Variants in ISLR2 observed in about 807,000 individuals in gnomAD.
ISLR2 encodes the protein immunoglobulin superfamily containing leucine rich repeat 2.
A neutral mutation model predicts 25.5 loss-of-function variants in ISLR2; 16 were observed. That is an observed-to-expected ratio of 0.63 (90% CI 0.43 to 0.95). The LOEUF (loss-of-function observed/expected upper bound fraction) is 0.95, where lower values mean the gene tolerates loss of function less well. Ranked by LOEUF, ISLR2 falls within the 40% of genes least tolerant of loss-of-function variation. The probability of loss-of-function intolerance (pLI) is 0.00; values close to 1 mark genes in which losing one functional copy is unlikely to be tolerated. For synonymous variants in ISLR2, 508 were observed against 486.6 expected (o/e 1.04, Z -0.58); for missense variants, 883 against 1,030.7 (o/e 0.86, Z 1.96).
intron 2 of ISLR2, among the ~76,000 whole-genome samples, chr15:74,116,316 C>A (rs1048473341): frequency 6.6e-6 from 1 of 151,430 alleles, no homozygotes; most frequent in Non-Finnish European, 1.5e-5. Context: ...ATCATGCCAG[C>A]ACTTTGGGAG....
In ISLR2 at chr15:74,134,855, CT is replaced by C; in HGVS notation, c.2102del (p.Leu701ArgfsTer91). On this transcript the variant is annotated frameshift_variant, in exon 3 of 3. Transcript: ENST00000453268. LOFTEE classifies it high-confidence loss of function. ...AGAGGAGAGCCTGGCGGCCTGCTCA[CT>C]GGTGGAGTCCCAGTCCAAGGCCAAC... is the stretch of plus-strand genomic sequence containing the variant. ...QREESLAACSLVESQSKANQE... is the reference protein window; with the variant it reads ...QREESLAACSXVESQSKANQE... 6.2e-7 allele frequency: 1 copy of C among 1,614,204 alleles called. No homozygotes were observed.
chr15:74,132,734 C>A lies in ISLR2; in HGVS notation c.-8-13C>A. On this transcript the variant is annotated splice_polypyrimidine_tract_variant and intron_variant, in intron 2 of 2. Coordinates refer to ENST00000453268, the MANE Select transcript of ISLR2 (RefSeq NM_020851.3). This position sits in a 1 kb window ranked among gnomAD's most constrained non-coding sequence, Gnocchi z 4.3. ...GTCACCTTCTTTCTTCTTCACCTGG[C>A]TTCCATCTGCAGGAGCCGCGATGTT... 1 of 1,602,658 alleles carries A rather than the reference C, an allele frequency of 6.2e-7. No individual in the cohort carries two copies. The highest frequency in any genetic ancestry group is 8.5e-7 in the Non-Finnish European group (1 of 1,171,502).
Position 74,134,784 on chromosome 15 carries a change from T to G in ISLR2, c.2030T>G (p.Leu677Arg). 6.2e-7 allele frequency: 1 copy of G among 1,613,832 alleles called. No individual in the cohort carries two copies. Among genetic ancestry groups the G allele is most frequent in the Non-Finnish European group, 8.5e-7 (1 of 1,179,936 alleles). ...EEPEDVQGEG[L>R]DEDAEQGDPS... ...CCAGAGGACGTGCAGGGGGAGGGCCTTGATGAAGACGCGGAGCAGGGAGAC... is the reference window on the plus strand; with the variant it reads ...CCAGAGGACGTGCAGGGGGAGGGCCGTGATGAAGACGCGGAGCAGGGAGAC... The change falls in exon 3 of 3, where the codon CTT becomes CGT. Residue 677 changes from leucine to arginine, a missense_variant. Leu to Arg is a moderately radical substitution (Grantham distance 102). Around this residue, in one of 2 missense-constraint regions of ISLR2, gnomAD observed 612 missense variants for 642.8 expected, o/e 0.95. Transcript: ENST00000453268.
upstream of ISLR2, among the ~76,000 whole-genome samples, chr15:74,123,815 G>T (rs2072271335): frequency 6.6e-6 from 1 of 152,144 alleles, no homozygotes; most frequent in Non-Finnish European, 1.5e-5. Context: ...TCCCAGCACA[G>T]GCATTTCCAA....
rs1281493918 is a variant in ISLR2, at chr15:74,132,932, G to A, written c.178G>A (p.Ala60Thr). The A allele has an allele frequency of 1.2e-6, 2 of 1,613,950 alleles. No individual in the cohort carries two copies. Among genetic ancestry groups the A allele is most frequent in the Non-Finnish European group, 1.7e-6 (2 of 1,179,950 alleles). ...PANVTTLSLS[A>T]NKITVLRRGA... Reference sequence around the variant, plus strand: ...CAACGTGACGACGCTTAGTCTGTCCGCGAACAAGATCACTGTGCTGCGGCG... The same window carrying A: ...CAACGTGACGACGCTTAGTCTGTCCACGAACAAGATCACTGTGCTGCGGCG... The change falls in exon 3 of 3, where the codon GCG becomes ACG. Residue 60 changes from alanine (A) to threonine (T), a missense_variant. By Grantham distance (58) the Ala-to-Thr change is moderately conservative. Coordinates refer to ENST00000453268, the MANE Select transcript of ISLR2 (RefSeq NM_020851.3). This position sits in a 1 kb window ranked among gnomAD's most constrained non-coding sequence, Gnocchi z 4.3.
chr15:74,121,955 G>A (rs980854224), intron 2 of ISLR2, among the ~76,000 whole-genome samples: 1 of 152,184 alleles, frequency 6.6e-6, no homozygotes, highest in African/African-American at 2.4e-5. Context: ...CTGTTCTAGT[G>A]CCCGTGGGCA....
rs2072444293 is a variant in ISLR2, at chr15:74,132,492, G to C, written c.-8-255G>C. Among the ~76,000 whole-genome samples, 1 of 152,168 alleles carries C rather than the reference G, an allele frequency of 6.6e-6. No homozygotes were observed. Among genetic ancestry groups the C allele is most frequent in the Non-Finnish European group, 1.5e-5 (1 of 68,028 alleles). On this transcript the variant is annotated intron_variant, in intron 2 of 2. Transcript: ENST00000453268. This position sits in a 1 kb window ranked among gnomAD's most constrained non-coding sequence, Gnocchi z 4.3. ...ACGGAGGGGCCAGCTCCAGCGTGAAGGAAGGAGTAGGAAGAGAAAAAAGGG... is the reference window on the plus strand; with the variant it reads ...ACGGAGGGGCCAGCTCCAGCGTGAACGAAGGAGTAGGAAGAGAAAAAAGGG...
At chr15:74,109,953 C>A (rs1312662481) in intron 2 of ISLR2, among the ~76,000 whole-genome samples, 2 of 152,108 alleles carry the variant, frequency 1.3e-5, no homozygotes, top group East Asian at 3.8e-4. Flanking sequence ...TGCCACCACG[C>A]CCGGATGTTT....
chr15:74,133,069 T>G lies in ISLR2; in HGVS notation c.315T>G (p.Asp105Glu). ...TGCTGAGTCAGCTCAAGAACCTCGATCTGAGCCACAACTTCATATCCAGCT... is the reference window on the plus strand; with the variant it reads ...TGCTGAGTCAGCTCAAGAACCTCGAGCTGAGCCACAACTTCATATCCAGCT... ...LAVLSQLKNL[D>E]LSHNFISSFP... Residue 105 changes from aspartate to glutamate, a missense_variant, in exon 3 of 3, where the codon GAT (aspartate) becomes GAG (glutamate). Physicochemically the swap from Asp to Glu is conservative, Grantham distance 45 (BLOSUM62 2). This residue lies in a region of ISLR2 where 271 missense variants were observed against 387.9 expected (regional missense o/e 0.70). Coordinates refer to ENST00000453268, the MANE Select transcript of ISLR2 (RefSeq NM_020851.3). 1 of 1,613,004 alleles carries G rather than the reference T, an allele frequency of 6.2e-7. No homozygotes were observed. Among genetic ancestry groups the G allele is most frequent in the Non-Finnish European group, 8.5e-7 (1 of 1,179,986 alleles).
downstream of ISLR2, among the ~76,000 whole-genome samples, chr15:74,140,822 A>C (rs760039575): frequency 4.6e-5 from 7 of 152,232 alleles, no homozygotes; most frequent in Non-Finnish European, 8.8e-5. Flanking sequence ...ACCCACACCT[A>C]TCTGTTCAAT....
downstream of ISLR2, among the ~76,000 whole-genome samples, chr15:74,138,721 A>C (rs1318255281): frequency 3.3e-5 from 5 of 152,238 alleles, no homozygotes; most frequent in Non-Finnish European, 5.9e-5. Flanking sequence ...TGAGGGCCAC[A>C]GCCTGAGCCC....
intron 2 of ISLR2, among the ~76,000 whole-genome samples, chr15:74,113,260 C>T (rs890548401): frequency 7.2e-5 from 11 of 152,198 alleles, no homozygotes; most frequent in African/African-American, 1.4e-4. Context: ...AGGTCACCGA[C>T]GGGTACAGTC....
chr15:74,134,161 T>C lies in ISLR2; in HGVS notation c.1407T>C (p.Ser469=). The C allele has an allele frequency of 6.2e-7, 1 of 1,613,204 alleles. No individual in the cohort carries two copies. The highest frequency in any genetic ancestry group is 1.7e-5 in the Admixed American group (1 of 59,934). Residue 469 remains serine (S), a synonymous_variant, in exon 3 of 3, where the codon TCT becomes TCC. Coordinates refer to ENST00000453268, the MANE Select transcript of ISLR2 (RefSeq NM_020851.3). Reference sequence around the variant, plus strand: ...ACGGGGACCCCTCTCGGTACGTTTCTAACCACGCGTTCAACCAGAGCGCAG... The same window carrying C: ...ACGGGGACCCCTCTCGGTACGTTTCCAACCACGCGTTCAACCAGAGCGCAG... ...CGNGDPSRYV[S]NHAFNQSAEL...
At chr15:74,120,377 C>T (rs2072243147) in intron 2 of ISLR2, among the ~76,000 whole-genome samples, 2 of 151,990 alleles carry the variant, frequency 1.3e-5, no homozygotes, top group Admixed American at 6.6e-5. Flanking sequence ...AAAAATTAGC[C>T]GGGTGTGATG....
chr15:74,104,332 G>A (rs868079052), intron 2 of ISLR2, among the ~76,000 whole-genome samples: 3,197 of 152,226 alleles, frequency 0.021, 85 homozygotes, highest in African/African-American at 0.073. Context: ...ACAGAGAACT[G>A]TCCAGCCCTA....
intron 2 of ISLR2, among the ~76,000 whole-genome samples, chr15:74,112,887 G>C (rs1302942476): frequency 3.3e-5 from 5 of 149,588 alleles, no homozygotes; most frequent in Non-Finnish European, 7.4e-5. Flanking sequence ...GATTGCAGTG[G>C]CATGATCTCA....
At chr15:74,104,548 C>T (rs1276314218) in intron 2 of ISLR2, among the ~76,000 whole-genome samples, 4 of 152,128 alleles carry the variant, frequency 2.6e-5, no homozygotes, top group African/African-American at 9.7e-5. Context: ...ATTGTGAGGT[C>T]ACATTGGGAG....
At chr15:74,127,190 G>A (rs2072309504), upstream of ISLR2, 1 of 152,196 alleles carries the variant, frequency 6.6e-6, no homozygotes, top group African/African-American at 2.4e-5. Context: ...TCTGAGTGCA[G>A]TTGCAACAGA....
intron 2 of ISLR2, among the ~76,000 whole-genome samples, chr15:74,131,633 A>G (rs1175129099): frequency 6.6e-6 from 1 of 152,168 alleles, no homozygotes; most frequent in African/African-American, 2.4e-5. Context: ...AAGGCGCAGA[A>G]TCTTTCATCT....
Sources: gnomAD v4.1 joint callset for allele counts (sites outside exome capture counted in the v4.1 genomes callset) on GRCh38, gnomAD v4.1.1 for gene constraint, gnomAD v4.1.1 regional missense constraint, Gnocchi (gnomAD v3.1) non-coding constraint, MANE v1.5 for transcripts, NCBI Gene and HGNC (gene_info 2026-07-23, HGNC 2026-07-21) for gene names.